SPATA13: variants seen among roughly 807,000 people sequenced by gnomAD.
SPATA13 encodes spermatogenesis associated 13.
SPATA13 carries 50 observed loss-of-function variants against 104.0 expected under a neutral mutation model. The observed-to-expected ratio is 0.48, with a 90% CI of 0.38 to 0.61. The LOEUF is 0.61. Ranked by LOEUF, SPATA13 falls within the 20% of genes least tolerant of loss-of-function variation. SPATA13 has a pLI of 0.00. For synonymous variants in SPATA13, 606 were observed against 667.5 expected (o/e 0.91, Z 1.42); for missense variants, 1,524 against 1,690.6 (o/e 0.90, Z 1.73).
rs116856999 is a variant in SPATA13, at chr13:24,272,279, G to A, written c.2165-11856G>A. Among the ~76,000 whole-genome samples the A allele has an allele frequency of 2.5e-4, 38 of 152,316 alleles. No individual in the cohort carries two copies. In the East Asian group the frequency reaches 6.0e-3, roughly 24 times the overall value. ...CCGACCCAGCCTCCAGCTCTGAGCGGTGCTCCCTCGGTGCTGCTGGAGAAA... is the reference window on the plus strand; with the variant it reads ...CCGACCCAGCCTCCAGCTCTGAGCGATGCTCCCTCGGTGCTGCTGGAGAAA... On this transcript the variant is annotated intron_variant, in intron 4 of 12. Coordinates refer to ENST00000382108, the MANE Select transcript of SPATA13 (RefSeq NM_001166271.3).
chr13:24,302,140 T>C (rs1394414968), intron 12 of SPATA13, among the ~76,000 whole-genome samples: 1 of 152,180 alleles, frequency 6.6e-6, no homozygotes, highest in East Asian at 1.9e-4. Flanking sequence ...TCAGTTTCTT[T>C]CCCTGTCAAG....
At chr13:24,028,409 G>T (rs1193370068) in intron 3 of SPATA13, among the ~76,000 whole-genome samples, 3 of 152,094 alleles carry the variant, frequency 2.0e-5, no homozygotes, top group Non-Finnish European at 2.9e-5. Flanking sequence ...CATAATTCTG[G>T]GTTGGTTGTT....
At chr13:24,271,693 A>G (rs945311363) in intron 4 of SPATA13, among the ~76,000 whole-genome samples, 5 of 152,346 alleles carry the variant, frequency 3.3e-5, no homozygotes, top group East Asian at 1.9e-4. Flanking sequence ...CATGGATACA[A>G]TAGGATGCTT....
At chr13:24,302,499 G>A (rs916518305) in intron 12 of SPATA13, 99 bp from the exon 13 acceptor site, 3 of 456,448 alleles carry the variant, frequency 6.6e-6, no homozygotes, top group Non-Finnish European at 1.2e-5. Context: ...AGAATTAGCT[G>A]AGAACTTGGA....
intron 3 of SPATA13, among the ~76,000 whole-genome samples, chr13:24,113,519 G>A (rs888309411): frequency 4.6e-5 from 7 of 151,924 alleles, no homozygotes; most frequent in Admixed American, 2.0e-4. Context: ...CATGAGAATC[G>A]CTAAGATAAG....
intron 2 of SPATA13, among the ~76,000 whole-genome samples, chr13:23,988,998 G>A (rs991103718): frequency 8.5e-5 from 13 of 152,068 alleles, no homozygotes; most frequent in African/African-American, 7.2e-5. Context: ...ATACTGGCTC[G>A]GTGACAGTAG....
chr13:24,163,141 A>AATC (rs1882578054), intron 1 of SPATA13, among the ~76,000 whole-genome samples: 3 of 152,174 alleles, frequency 2.0e-5, no homozygotes, highest in Admixed American at 2.0e-4. Context: ...TCATGCCTGT[A>AATC]ATCCCAGCAC....
rs192670194 is a variant in SPATA13 at position 24,117,528 on chromosome 13, G to A, written c.-112+99827G>A. On this transcript the variant is annotated intron_variant, in intron 3 of 14. Transcript: ENST00000424834. ...TGATGTCAGTTTTTGATTCATTCCT[G>A]CATAGATCTGGGCAAATTGTAGACC... is the stretch of plus-strand genomic sequence containing the variant. Among the ~76,000 whole-genome samples the A allele has an allele frequency of 3.0e-3, 460 of 152,218 alleles. 3 individuals are homozygous for A. Among genetic ancestry groups the A allele is most frequent in the Non-Finnish European group, 2.8e-3 (189 of 68,018 alleles).
intron 2 of SPATA13, among the ~76,000 whole-genome samples, chr13:24,013,825 A>G (rs781069421): frequency 6.6e-6 from 1 of 151,762 alleles, no homozygotes; most frequent in African/African-American, 2.4e-5. Context: ...TGCTGCATAC[A>G]GTCAATAGCC....
intron 1 of SPATA13, among the ~76,000 whole-genome samples, chr13:24,219,312 C>T (rs530960300): frequency 9.9e-5 from 15 of 152,274 alleles, no homozygotes; most frequent in African/African-American, 3.4e-4. Context: ...ACAACAATCA[C>T]GTTGTTCAGC....
chr13:24,278,978 C>T (rs77329609), intron 4 of SPATA13, among the ~76,000 whole-genome samples: 60 of 42,566 alleles, frequency 1.4e-3, no homozygotes, highest in Non-Finnish European at 2.9e-3. Flanking sequence ...CCTTCCCTCC[C>T]TCCCTCCCTC....
intron 3 of SPATA13, among the ~76,000 whole-genome samples, chr13:24,114,560 T>C (rs1402593331): frequency 6.6e-6 from 1 of 152,010 alleles, no homozygotes; most frequent in Non-Finnish European, 1.5e-5. Context: ...AGGCTGTCAT[T>C]TTTTTTTGTT....
chr13:24,061,635 A>G (rs952055394), intron 3 of SPATA13, among the ~76,000 whole-genome samples: 3 of 152,152 alleles, frequency 2.0e-5, no homozygotes, highest in Admixed American at 1.3e-4. Context: ...ACCAAATACT[A>G]TATGTTCTTA....
intron 3 of SPATA13, chr13:24,122,267 C>T (rs1486438027): frequency 2.0e-5 from 27 of 1,336,608 alleles, no homozygotes; most frequent in African/African-American, 5.8e-5. Context: ...CACAGGATTA[C>T]GATTTTGAAT....
intron 3 of SPATA13, among the ~76,000 whole-genome samples, chr13:24,052,108 G>A (rs1407872760): frequency 1.3e-5 from 2 of 151,882 alleles, no homozygotes; most frequent in Admixed American, 1.3e-4. Context: ...CAGGCTCCTC[G>A]GGTCTCTGTG....
At chr13:24,130,967 G>A (rs1016747872) in intron 3 of SPATA13, among the ~76,000 whole-genome samples, 4 of 152,190 alleles carry the variant, frequency 2.6e-5, no homozygotes, top group East Asian at 1.9e-4. Flanking sequence ...GGGGTGGAGC[G>A]GGGGACGCTT....
intron 11 of SPATA13, among the ~76,000 whole-genome samples, chr13:24,298,699 A>G (rs2138771504): frequency 6.6e-6 from 1 of 152,296 alleles, no homozygotes; most frequent in Admixed American, 6.5e-5. Context: ...GCCCACTGCC[A>G]TGAGGACAGC....
intron 1 of SPATA13, among the ~76,000 whole-genome samples, chr13:24,176,588 G>A (rs1311330216): frequency 1.3e-5 from 2 of 151,790 alleles, no homozygotes; most frequent in Non-Finnish European, 1.5e-5. Flanking sequence ...GATTAAGCAC[G>A]CTGGGTCCTG....
intron 4 of SPATA13, among the ~76,000 whole-genome samples, chr13:24,280,779 A>T (rs1031480874): frequency 6.6e-6 from 1 of 152,138 alleles, no homozygotes; most frequent in African/African-American, 2.4e-5. Flanking sequence ...TCATGCATGA[A>T]AAAAATGATG....
Sources: gnomAD v4.1 joint callset for allele counts (sites outside exome capture counted in the v4.1 genomes callset) on GRCh38, gnomAD v4.1.1 for gene constraint, MANE v1.5 for transcripts, NCBI Gene and HGNC (gene_info 2026-07-23, HGNC 2026-07-21) for gene names.